The following SLC26A4 variants were observed in gnomAD, a reference collection of about 807,000 sequenced individuals.
The protein encoded by SLC26A4 is pendrin.
SLC26A4 carries 93 observed loss-of-function variants against 90.4 expected under a neutral mutation model. The observed-to-expected ratio is 1.03, with a 90% CI of 0.87 to 1.22. SLC26A4 has a LOEUF of 1.22. Ranked by LOEUF, SLC26A4 falls within the 50% of genes most tolerant of loss-of-function variation. The probability of loss-of-function intolerance (pLI) is 0.00; values close to 1 mark genes in which losing one functional copy is unlikely to be tolerated. For synonymous variants in SLC26A4, 393 were observed against 354.6 expected, an observed-to-expected ratio of 1.11 and a Z score of -1.22; for missense variants, 1,127 against 946.2, an observed-to-expected ratio of 1.19 and a Z score of -2.51.
rs1562830915 is a variant in SLC26A4, at chr7:107,686,303, C to CCCTTCCCTCCCTTTCCTA, written c.1002-2737_1002-2736insTCCTACCTTCCCTCCCTT. Among the ~76,000 whole-genome samples, 43 of 35,660 alleles carry CCCTTCCCTCCCTTTCCTA rather than the reference C, an allele frequency of 1.2e-3. 1 individual carries two copies. Among genetic ancestry groups the CCCTTCCCTCCCTTTCCTA allele is most frequent in the Admixed American group, 1.8e-3 (7 of 3,926 alleles). 23.4% of individuals were successfully genotyped at this position (35,660 alleles called of 152,430 possible). On this transcript the variant is annotated intron_variant, in intron 8 of 20. Coordinates refer to ENST00000644269, the MANE Select transcript of SLC26A4 (RefSeq NM_000441.2). Reference sequence around the variant, plus strand: ...CTTCCCTCCCTTTCCTACCTTCCCTCCCTTCCCTCCCTTCCCTCCCTTTCC... The same window carrying CCCTTCCCTCCCTTTCCTA: ...CTTCCCTCCCTTTCCTACCTTCCCTCCCTTCCCTCCCTTTCCTACCTTCCCTCCCTTCCCTCCCTTTCC...
chr7:107,682,550 T>C (rs1303494305), intron 6 of SLC26A4, among the ~76,000 whole-genome samples: 2 of 152,148 alleles, frequency 1.3e-5, no homozygotes, highest in East Asian at 3.8e-4. Flanking sequence ...TGAAGTATTT[T>C]AGGATTTTTT....
intron 18 of SLC26A4, among the ~76,000 whole-genome samples, chr7:107,706,471 G>A (rs192199983): frequency 3.9e-4 from 60 of 152,230 alleles, no homozygotes; most frequent in African/African-American, 1.4e-3. Flanking sequence ...AAAAATAATT[G>A]CTTTGATAGA....
chr7:107,679,857 A>ATATAATATAATCT (rs1562826723), intron 6 of SLC26A4, among the ~76,000 whole-genome samples: 1 of 68,360 alleles, frequency 1.5e-5, no homozygotes, highest in Admixed American at 1.5e-4. Flanking sequence ...TTATATTATT[A>ATATAATATAATCT]TATTATATAA....
chr7:107,661,874 G>C lies in SLC26A4; in HGVS notation c.164+69G>C. On this transcript the variant is annotated intron_variant, in intron 2 of 20. Transcript: ENST00000644269. This position sits in a 1 kb window ranked among gnomAD's most constrained non-coding sequence, Gnocchi z 5.1. ...GTCCACGCCTTGGGGAGGGAAGGGC[G>C]TCCCCAGCGGGCGAGAGTGGGGTGC... is the stretch of plus-strand genomic sequence containing the variant. 2 of 1,475,020 alleles carry C rather than the reference G, an allele frequency of 1.4e-6. No individual in the cohort carries two copies. The highest frequency in any genetic ancestry group is 1.8e-6 in the Non-Finnish European group (2 of 1,104,146). 91.4% of individuals were successfully genotyped at this position (1,475,020 alleles called of 1,614,324 possible). A position where few individuals can be genotyped will look rare whatever the true frequency, so the allele number is the denominator to read the frequency against.
chr7:107,710,634 A>T (rs1792158827), intron 19 of SLC26A4, among the ~76,000 whole-genome samples: 1 of 152,244 alleles, frequency 6.6e-6, no homozygotes, highest in African/African-American at 2.4e-5. Flanking sequence ...TGAAAAAGAA[A>T]TTTAAAAATC....
At chr7:107,663,652 G>A (rs1257342634) in intron 3 of SLC26A4, among the ~76,000 whole-genome samples, 1 of 152,074 alleles carries the variant, frequency 6.6e-6, no homozygotes, top group Non-Finnish European at 1.5e-5. Context: ...CCAATTTAGA[G>A]GCATATACTA....
intron 9 of SLC26A4, 68 bp downstream of exon 9, chr7:107,689,268 G>T: frequency 6.4e-7 from 1 of 1,551,880 alleles, no homozygotes; most frequent in East Asian, 2.2e-5. Context: ...AAATGGAAAA[G>T]ATTTTGGTGT....
chr7:107,702,684 CAAAAA>C (rs11462799), intron 17 of SLC26A4, among the ~76,000 whole-genome samples: 2 of 99,250 alleles, frequency 2.0e-5, no homozygotes, highest in Admixed American at 1.1e-4. Context: ...GACTTCATCT[CAAAAA>C]AAAAAAAAAA....
At chr7:107,678,870 G>T (rs1040767256) in intron 6 of SLC26A4, among the ~76,000 whole-genome samples, 1 of 152,154 alleles carries the variant, frequency 6.6e-6, no homozygotes, top group African/African-American at 2.4e-5. Flanking sequence ...AATAAATGCA[G>T]AGTAGTAGAG....
intron 8 of SLC26A4, among the ~76,000 whole-genome samples, chr7:107,684,938 T>A (rs1791354538): frequency 1.1e-5 from 1 of 88,250 alleles, no homozygotes; most frequent in African/African-American, 3.8e-5. Flanking sequence ...ATTAGTTGGT[T>A]TAGGGAACTC....
chr7:107,693,193 A>G (rs1251118393), intron 10 of SLC26A4: 1 of 489,222 alleles, frequency 2.0e-6, no homozygotes, highest in South Asian at 8.7e-5. Context: ...AAGGGAGGGA[A>G]GTAGGATATC....
chr7:107,663,276 G>A lies in SLC26A4; in HGVS notation c.165-20G>A. On this transcript the variant is annotated intron_variant, in intron 2 of 20. Transcript: ENST00000644269. ...TGACTGAGATTGGATTGAAAACCCA[G>A]TTTTCTTGCTTTTTGACAGTTGTTC... 2 of 1,614,158 alleles carry A rather than the reference G, an allele frequency of 1.2e-6. No homozygotes were observed. The highest frequency in any genetic ancestry group is 1.7e-6 in the Non-Finnish European group (2 of 1,180,010).
In SLC26A4 at chr7:107,716,388, G is replaced by A. The variant is rs1394570802; in HGVS notation, c.*942G>A. 1 of 152,034 alleles carries A rather than the reference G, an allele frequency of 6.6e-6. No homozygotes were observed. Among genetic ancestry groups the A allele is most frequent in the East Asian group, 1.9e-4 (1 of 5,198 alleles). The allele number at this position is 152,034 out of a possible 1,614,324, so 9.4% of individuals were successfully genotyped here. ...ATATTTTTTCTCAAAAATTTTAGCA[G>A]TGTGTAAAGTAAGTAATCTTTAACT... On this transcript the variant is annotated 3_prime_UTR_variant, in exon 21 of 21. Transcript: ENST00000644269.
intron 8 of SLC26A4, 51 bp from the exon 9 acceptor site, chr7:107,689,002 A>C: frequency 6.2e-7 from 1 of 1,604,292 alleles, no homozygotes; most frequent in East Asian, 2.2e-5. Flanking sequence ...AGATGGGGAA[A>C]AAGGATGGTG....
At chr7:107,663,907 C>T (rs959839377) in intron 3 of SLC26A4, among the ~76,000 whole-genome samples, 1 of 152,102 alleles carries the variant, frequency 6.6e-6, no homozygotes, top group Non-Finnish European at 1.5e-5. Flanking sequence ...ATGGTATCGA[C>T]CTCCTGACCT....
intron 6 of SLC26A4, among the ~76,000 whole-genome samples, chr7:107,682,863 A>G (rs1370606117): frequency 6.6e-6 from 1 of 152,202 alleles, no homozygotes; most frequent in Non-Finnish European, 1.5e-5. Flanking sequence ...TATGTTTATA[A>G]TGACATTTTT....
At chr7:107,696,444 A>G (rs1223807714) in intron 13 of SLC26A4, among the ~76,000 whole-genome samples, 1 of 152,208 alleles carries the variant, frequency 6.6e-6, no homozygotes, top group Non-Finnish European at 1.5e-5. Flanking sequence ...TCTTTAAATG[A>G]GATGAGGAAT....
At chr7:107,712,453 G>A (rs1792217067) in intron 19 of SLC26A4, 86 bp from the exon 20 acceptor site, 3 of 775,694 alleles carry the variant, frequency 3.9e-6, no homozygotes, top group African/African-American at 3.4e-5. Context: ...CAGATGAGAA[G>A]CACCAGGAAA....
intron 8 of SLC26A4, among the ~76,000 whole-genome samples, chr7:107,684,387 C>T (rs897868812): frequency 3.9e-5 from 6 of 152,092 alleles, no homozygotes; most frequent in Non-Finnish European, 5.9e-5. Flanking sequence ...GGGAAGGGCA[C>T]GGAGCCACTG....
Sources: allele counts gnomAD v4.1 joint callset (sites outside exome capture counted in the v4.1 genomes callset), GRCh38; gene constraint gnomAD v4.1.1; non-coding constraint Gnocchi (gnomAD v3.1); transcripts MANE v1.5; gene names NCBI Gene and HGNC (gene_info 2026-07-23, HGNC 2026-07-21).